The following APOBEC4 variants were observed in gnomAD, a reference collection of about 807,000 sequenced individuals.
APOBEC4 encodes the protein apolipoprotein B mRNA editing enzyme catalytic polypeptide like 4, also known as putative deaminase APOBEC-4.
For synonymous variants in APOBEC4, 141 were observed against 154.2 expected, an observed-to-expected ratio of 0.91 and a Z score of 0.63; for missense variants, 375 against 441.2, an observed-to-expected ratio of 0.85 and a Z score of 1.34.
At chr1:183,651,496 G>C (rs866678849) in intron 1 of APOBEC4, among the ~76,000 whole-genome samples, 23 of 152,282 alleles carry the variant, frequency 1.5e-4, no homozygotes, top group African/African-American at 4.8e-4. Context: ...AACCTGCAGA[G>C]TTCCTATGCT....
intron 1 of APOBEC4, among the ~76,000 whole-genome samples, chr1:183,651,724 T>G (rs1387448750): frequency 6.6e-6 from 1 of 152,226 alleles, no homozygotes; most frequent in Non-Finnish European, 1.5e-5. Context: ...TATATTTTCC[T>G]GATGTAACTG....
Position 183,647,509 on chromosome 1 carries a change from A to AAATAGTGTAACTTTAT in APOBEC4, c.*153_*168dup. On this transcript the variant is annotated 3_prime_UTR_variant, in exon 2 of 2. Transcript: ENST00000308641. ...ATGGAAACATTTTGGATTATGTTTA[A>AAATAGTGTAACTTTAT]AATAGTGTAACTTTATAATAGTTGA... The AAATAGTGTAACTTTAT allele has an allele frequency of 8.9e-7, 1 of 1,127,398 alleles. No individual in the cohort carries two copies. 69.8% of individuals were successfully genotyped at this position (1,127,398 alleles called of 1,614,324 possible). A position where few individuals can be genotyped will look rare whatever the true frequency, so the allele number is the denominator to read the frequency against.
chr1:183,647,370 G>T lies in APOBEC4; in HGVS notation c.*308C>A. On this transcript the variant is annotated 3_prime_UTR_variant, in exon 2 of 2. Transcript: ENST00000308641. Reference sequence around the variant, plus strand: ...TGGGCTTTTGTAGTGGAAAGATGATGTGAGTAAAATAGAATAATGAGATTC... The same window carrying T: ...TGGGCTTTTGTAGTGGAAAGATGATTTGAGTAAAATAGAATAATGAGATTC... 5.0e-6 allele frequency: 1 copy of T among 199,632 alleles called. No individual in the cohort carries two copies. The highest frequency in any genetic ancestry group is 1.0e-5 in the Non-Finnish European group (1 of 99,994). The allele number at this position is 199,632 out of a possible 1,614,324, so 12.4% of individuals were successfully genotyped here. A position where few individuals can be genotyped will look rare whatever the true frequency, so the allele number is the denominator to read the frequency against.
At chr1:183,652,556 C>T (rs530140289) in intron 1 of APOBEC4, among the ~76,000 whole-genome samples, 1 of 152,228 alleles carries the variant, frequency 6.6e-6, no homozygotes, top group Admixed American at 6.5e-5. Context: ...TTGTTATCGA[C>T]CACAGATTAT....
rs1012329248 is a variant in APOBEC4 at position 183,646,725 on chromosome 1, G to GA, written c.*952dup. ...AAAGGGGAATGGATGCTAACAAAAA[G>GA]AAAAAACATCTCTTGCAGGATGGTG... On this transcript the variant is annotated 3_prime_UTR_variant, in exon 2 of 2. Transcript: ENST00000308641. The GA allele has an allele frequency of 6.6e-6, 1 of 152,168 alleles. No individual in the cohort carries two copies. The highest frequency in any genetic ancestry group is 1.5e-5 in the Non-Finnish European group (1 of 68,012). The allele number at this position is 152,168 out of a possible 1,614,324, so 9.4% of individuals were successfully genotyped here. A position where few individuals can be genotyped will look rare whatever the true frequency, so the allele number is the denominator to read the frequency against.
At chr1:183,650,336 G>A (rs531041442) in intron 1 of APOBEC4, among the ~76,000 whole-genome samples, 2 of 152,264 alleles carry the variant, frequency 1.3e-5, no homozygotes, top group East Asian at 3.9e-4. Flanking sequence ...GAGGTCAGGA[G>A]ATGGAGACAA....
rs1650414807 is a variant in APOBEC4 at position 183,647,871 on chromosome 1, A to G, written c.911T>C (p.Met304Thr). Residue 304 changes from methionine (M) to threonine (T), a missense_variant, in exon 2 of 2, where the codon ATG becomes ACG. Met to Thr is a moderately conservative substitution (Grantham distance 81, BLOSUM62 -1). Transcript: ENST00000308641. ...VLVPLRDLPP[M>T]HMGQNPNKPR... is the part of the protein sequence containing the mutation. ...TTTATTTGGGTTTTGGCCCATATGCATTGGTGGTAAGTCCCTGAGAGGCAC... is the reference window on the plus strand; with the variant it reads ...TTTATTTGGGTTTTGGCCCATATGCGTTGGTGGTAAGTCCCTGAGAGGCAC... The G allele has an allele frequency of 6.2e-7, 1 of 1,614,064 alleles. No individual in the cohort carries two copies. The highest frequency in any genetic ancestry group is 8.5e-7 in the Non-Finnish European group (1 of 1,180,012).
Position 183,648,468 on chromosome 1 carries a change from A to C in APOBEC4, c.314T>G (p.Leu105Arg). 6.2e-6 allele frequency: 10 copies of C among 1,614,252 alleles called. No individual in the cohort carries two copies. The highest frequency in any genetic ancestry group is 8.5e-6 in the Non-Finnish European group (10 of 1,180,050). The change falls in exon 2 of 2, where the codon CTT (leucine) becomes CGT (arginine). Residue 105 changes from leucine (L) to arginine (R), a missense_variant. Physicochemically the swap from Leu to Arg is moderately radical, Grantham distance 102 (BLOSUM62 -2). Transcript: ENST00000308641. ...GTCATTATTGTATATGGCTGAGTCA[A>C]GATAACCATTCATTTCAAAGAGCAT... ...ESMLFEMNGYLDSAIYNNDSI... is the reference protein window; with the variant it reads ...ESMLFEMNGYRDSAIYNNDSI...
chr1:183,652,281 GT>G (rs1240267231), intron 1 of APOBEC4, among the ~76,000 whole-genome samples: 1 of 152,220 alleles, frequency 6.6e-6, no homozygotes, highest in Non-Finnish European at 1.5e-5. Context: ...TTCTGTGGCT[GT>G]TTTAGCCAGA....
chr1:183,648,334 G>C lies in APOBEC4; in HGVS notation c.448C>G (p.Leu150Val), dbSNP rs189818313. 4 of 1,614,178 alleles carry C rather than the reference G, an allele frequency of 2.5e-6. No homozygotes were observed. In the East Asian group the frequency reaches 8.9e-5, roughly 36 times the overall value. The part of the protein sequence containing the change: ...NFLITYPGIT[L>V]SIYFSQLYHT... ...TAGAGCTGAGAAAAATAAATACTAA[G>C]AGTGATGCCTGGATACGTAATCAGG... Residue 150 changes from leucine to valine, a missense_variant, in exon 2 of 2, where the codon CTT (leucine) becomes GTT (valine). Coordinates refer to ENST00000308641, the MANE Select transcript of APOBEC4 (RefSeq NM_203454.3).
Position 183,648,022 on chromosome 1 carries a change from CTTTTGTG to C in APOBEC4, c.753_759del (p.Asn251LysfsTer6). On this transcript the variant is annotated frameshift_variant, in exon 2 of 2. Coordinates refer to ENST00000308641, the MANE Select transcript of APOBEC4 (RefSeq NM_203454.3). LOFTEE classifies it low-confidence loss of function (END_TRUNC). ...GGGTAGCTCTCTAAAGCCTCCTGAG[CTTTTGTG>C]TTTGGATTCCTTTTTGTCTGGAGAA... 6.2e-7 allele frequency: 1 copy of C among 1,614,170 alleles called. No individual in the cohort carries two copies. Among genetic ancestry groups the C allele is most frequent in the Non-Finnish European group, 8.5e-7 (1 of 1,180,040 alleles).
chr1:183,649,524 A>G (rs980510980), intron 1 of APOBEC4, among the ~76,000 whole-genome samples: 4 of 151,986 alleles, frequency 2.6e-5, no homozygotes, highest in African/African-American at 9.7e-5. Context: ...GGATCATGGG[A>G]TCTCTTTTGC....
rs1650442058 is a variant in APOBEC4, at chr1:183,648,147, T to A, written c.635A>T (p.Gln212Leu). Residue 212 changes from glutamine to leucine, a missense_variant, in exon 2 of 2, where the codon CAG becomes CTG. Coordinates refer to ENST00000308641, the MANE Select transcript of APOBEC4 (RefSeq NM_203454.3). ...ISGVSGSHVFQPILTGRALAD... is the reference protein window; with the variant it reads ...ISGVSGSHVFLPILTGRALAD... ...CAGTGCTCTCCCAGTTAAAATGGGC[T>A]GAAAAACATGTGATCCTGAGACACC... The A allele has an allele frequency of 6.2e-7, 1 of 1,614,200 alleles. No individual in the cohort carries two copies. Among genetic ancestry groups the A allele is most frequent in the Admixed American group, 1.7e-5 (1 of 60,014 alleles).
Position 183,647,967 on chromosome 1 carries a change from A to T in APOBEC4, c.815T>A (p.Phe272Tyr). 6.2e-7 allele frequency: 1 copy of T among 1,614,218 alleles called. No individual in the cohort carries two copies. The change falls in exon 2 of 2, where the codon TTT becomes TAT. Residue 272 changes from phenylalanine to tyrosine, a missense_variant. By Grantham distance (22) the Phe-to-Tyr change is conservative (BLOSUM62 3). Coordinates refer to ENST00000308641, the MANE Select transcript of APOBEC4 (RefSeq NM_203454.3). Reference sequence around the variant, plus strand: ...TTGGAGTTGTCCACTCGGCATTTGAAAAAACTGTCCAGGAAAGGCATTGTT... The same window carrying T: ...TTGGAGTTGTCCACTCGGCATTTGATAAAACTGTCCAGGAAAGGCATTGTT... ...PLNNAFPGQFFQMPSGQLQPN... is the reference protein window; with the variant it reads ...PLNNAFPGQFYQMPSGQLQPN...
In APOBEC4 at chr1:183,647,691, T is replaced by G. The variant is rs141411396; in HGVS notation, c.1091A>C (p.Lys364Thr). Residue 364 changes from lysine (K) to threonine (T), a missense_variant, in exon 2 of 2, where the codon AAA (lysine) becomes ACA (threonine). Coordinates refer to ENST00000308641, the MANE Select transcript of APOBEC4 (RefSeq NM_203454.3). ...SKEADEKKKK[K>T]GKK ...GGAATGTAGATTTTATTTCTTCCCT[T>G]TCTTCTTCTTCTTTTCATCTGCCTC... 6.3e-7 allele frequency: 1 copy of G among 1,582,232 alleles called. No individual in the cohort carries two copies. Among genetic ancestry groups the G allele is most frequent in the African/African-American group, 1.4e-5 (1 of 73,654 alleles).
At position 183,647,997 on chromosome 1, in the gene APOBEC4, G is replaced by A; in HGVS notation, c.785C>T (p.Pro262Leu). 6.2e-7 allele frequency: 1 copy of A among 1,614,196 alleles called. No homozygotes were observed. Among genetic ancestry groups the A allele is most frequent in the Admixed American group, 1.7e-5 (1 of 60,030 alleles). ...TKAQEALESY[P>L]LNNAFPGQFF... ...CTGTCCAGGAAAGGCATTGTTTAAGGGGTAGCTCTCTAAAGCCTCCTGAGC... is the reference window on the plus strand; with the variant it reads ...CTGTCCAGGAAAGGCATTGTTTAAGAGGTAGCTCTCTAAAGCCTCCTGAGC... The change falls in exon 2 of 2, where the codon CCC (proline) becomes CTC (leucine). Residue 262 changes from proline (P) to leucine (L), a missense_variant. By Grantham distance (98) the Pro-to-Leu change is moderately conservative (BLOSUM62 -3). Coordinates refer to ENST00000308641, the MANE Select transcript of APOBEC4 (RefSeq NM_203454.3).
At chr1:183,652,233 A>G (rs1650814029) in intron 1 of APOBEC4, among the ~76,000 whole-genome samples, 1 of 152,182 alleles carries the variant, frequency 6.6e-6, no homozygotes. Flanking sequence ...GAAACTCCCT[A>G]TTGCTTTTCT....
intron 1 of APOBEC4, among the ~76,000 whole-genome samples, chr1:183,649,128 G>A (rs1324896876): frequency 6.6e-6 from 1 of 152,186 alleles, no homozygotes; most frequent in Non-Finnish European, 1.5e-5. Flanking sequence ...TCAGCTTGGT[G>A]GCCTTTGACA....
chr1:183,648,237 G>T lies in APOBEC4; in HGVS notation c.545C>A (p.Pro182Gln). 6.2e-7 allele frequency: 1 copy of T among 1,614,012 alleles called. No homozygotes were observed. The highest frequency in any genetic ancestry group is 2.2e-5 in the East Asian group (1 of 44,900). The change falls in exon 2 of 2, where the codon CCG (proline) becomes CAG (glutamine). Residue 182 changes from proline (P) to glutamine (Q), a missense_variant. By Grantham distance (76) the Pro-to-Gln change is moderately conservative. Coordinates refer to ENST00000308641, the MANE Select transcript of APOBEC4 (RefSeq NM_203454.3). ...ACTTATTGGACTCAAAACAACCCGC[G>T]GCCATAAGCTGGCCAGGCTCCGGAG... is the stretch of plus-strand genomic sequence containing the variant. ...EALRSLASLW[P>Q]RVVLSPISGG...
Sources: allele counts gnomAD v4.1 joint callset (sites outside exome capture counted in the v4.1 genomes callset), GRCh38; gene constraint gnomAD v4.1.1; transcripts MANE v1.5; gene names NCBI Gene and HGNC (gene_info 2026-07-23, HGNC 2026-07-21).